Variants in BDH1 observed in about 807,000 individuals in gnomAD.
BDH1 encodes 3-hydroxybutyrate dehydrogenase 1.
BDH1 carries 30 observed loss-of-function variants against 33.1 expected under a neutral mutation model. The ratio of observed to expected loss-of-function variants is 0.91; its 90% confidence interval spans 0.68 to 1.23. The LOEUF is 1.23. Ranked by LOEUF, BDH1 falls within the 50% of genes most tolerant of loss-of-function variation. BDH1 has a pLI of 0.00. For synonymous variants in BDH1, 190 were observed against 183.6 expected, an observed-to-expected ratio of 1.03 and a Z score of -0.28; for missense variants, 443 against 464.4, an observed-to-expected ratio of 0.95 and a Z score of 0.42.
In BDH1 at chr3:197,555,930, T is replaced by TCCTGCGG. The variant is rs1295302807; in HGVS notation, c.-352_-346dup. ...TTTCTGGAAGCCCCTCCACCAGCAC[T>TCCTGCGG]CCTGCGGCCTGCGGCCTCCGCCACC... On this transcript the variant is annotated 5_prime_UTR_variant, in exon 1 of 8. Coordinates refer to ENST00000392379, the MANE Select transcript of BDH1 (RefSeq NM_203314.3). The TCCTGCGG allele has an allele frequency of 5.9e-5, 9 of 152,328 alleles. No homozygotes were observed. In the South Asian group the frequency reaches 1.7e-3, roughly 28 times the overall value. 9.4% of individuals were successfully genotyped at this position (152,328 alleles called of 1,614,324 possible).
chr3:197,534,987 G>A (rs1016241774), intron 3 of BDH1, among the ~76,000 whole-genome samples: 5 of 152,166 alleles, frequency 3.3e-5, no homozygotes, highest in African/African-American at 1.2e-4. Flanking sequence ...CCAGCAGACT[G>A]TGTTTGGTGA....
Position 197,532,435 on chromosome 3 carries a change from C to T in BDH1, c.244G>A (p.Val82Met). 6.2e-7 allele frequency: 1 copy of T among 1,614,176 alleles called. No homozygotes were observed. The highest frequency in any genetic ancestry group is 8.5e-7 in the Non-Finnish European group (1 of 1,179,982). The stretch of plus-strand genomic sequence containing the variant: ...ACCTTCATCAAGCAGCCAGCAAACA[C>T]AAGGAAGCCTTTTGAATGCAGATGC... ...AKHLHSKGFLVFAGCLMKDKG... is the reference protein window; with the variant it reads ...AKHLHSKGFLMFAGCLMKDKG... The change falls in exon 5 of 8, where the codon GTG becomes ATG. Residue 82 changes from valine (V) to methionine (M), a missense_variant. Physicochemically the swap from Val to Met is conservative, Grantham distance 21. Coordinates refer to ENST00000392379, the MANE Select transcript of BDH1 (RefSeq NM_203314.3).
At chr3:197,572,335 G>A (rs943302226) in intron 1 of BDH1, among the ~76,000 whole-genome samples, 3 of 152,148 alleles carry the variant, frequency 2.0e-5, no homozygotes, top group Non-Finnish European at 4.4e-5. Flanking sequence ...AGGCCTTCAG[G>A]ACTCAGATCT....
chr3:197,534,090 C>CT (rs1435133744), intron 3 of BDH1: 1 of 152,786 alleles, frequency 6.5e-6, no homozygotes, highest in Non-Finnish European at 1.5e-5. Flanking sequence ...GATGCCAGGT[C>CT]TTACCTCATT....
intron 4 of BDH1, among the ~76,000 whole-genome samples, chr3:197,533,235 C>G (rs1436606154): frequency 6.6e-6 from 1 of 152,118 alleles, no homozygotes; most frequent in South Asian, 2.1e-4. Context: ...TTCTCGCCCC[C>G]CACCTAGGCC....
chr3:197,538,326 C>G (rs543057129), intron 3 of BDH1: 1 of 456,096 alleles, frequency 2.2e-6, no homozygotes, highest in African/African-American at 2.0e-5. Flanking sequence ...TACCATTTGA[C>G]GCCATTCAAA....
Position 197,549,090 on chromosome 3 carries a change from T to C in BDH1, c.-43-2604A>G, listed in dbSNP as rs147485923. 4.6e-5 allele frequency among the ~76,000 whole-genome samples: 7 copies of C among 152,296 alleles called. No individual in the cohort carries two copies. The East Asian group carries it at 1.3e-3, about 29-fold the overall frequency. On this transcript the variant is annotated intron_variant, in intron 2 of 7. Coordinates refer to ENST00000392379, the MANE Select transcript of BDH1 (RefSeq NM_203314.3). ...ACACACCACTTTCTTGCCTTTTAGT[T>C]TGGGAACAGAAATGGCTGTGGGAGG...
At chr3:197,546,068 C>T (rs936811832) in intron 3 of BDH1, 21 of 226,616 alleles carry the variant, frequency 9.3e-5, no homozygotes, top group African/African-American at 3.6e-4. Context: ...ACCCAGGAGG[C>T]GGAGGTGGCA....
chr3:197,515,356 C>T (rs1247710627), intron 6 of BDH1: 1 of 985,592 alleles, frequency 1.0e-6, no homozygotes. Flanking sequence ...CTAGGTCTCA[C>T]CTGTGACCTC....
rs1317520268 is a variant in BDH1 at position 197,569,927 on chromosome 3, T to C, written c.-44+3254A>G. ...TTGGAACTGGGTAACAGGCAGAGGT[T>C]AGAACAGTTTGGAGGGCTCAGAAGA... On this transcript the variant is annotated intron_variant, in intron 1 of 6. Coordinates refer to the BDH1 transcript ENST00000358186. Among the ~76,000 whole-genome samples, 8 of 152,130 alleles carry C rather than the reference T, an allele frequency of 5.3e-5. No homozygotes were observed. In the East Asian group the frequency reaches 1.5e-3, roughly 29 times the overall value.
At chr3:197,562,120 T>C (rs560209534) in intron 1 of BDH1, among the ~76,000 whole-genome samples, 1 of 152,314 alleles carries the variant, frequency 6.6e-6, no homozygotes, top group East Asian at 1.9e-4. Flanking sequence ...GACCTTGCAC[T>C]GTGAGAGGAT....
chr3:197,529,267 G>A (rs1327329511), intron 5 of BDH1: 1 of 152,216 alleles, frequency 6.6e-6, no homozygotes, highest in African/African-American at 2.4e-5. Flanking sequence ...AAAGATATAT[G>A]TGCAAGATGG....
intron 6 of BDH1, among the ~76,000 whole-genome samples, chr3:197,519,169 G>A (rs1333778429): frequency 1.3e-5 from 2 of 151,908 alleles, no homozygotes; most frequent in Non-Finnish European, 2.9e-5. Context: ...CCTTTTCCAA[G>A]CTTCTCCCTT....
chr3:197,537,992 A>C (rs1715299133), intron 3 of BDH1, among the ~76,000 whole-genome samples: 1 of 152,188 alleles, frequency 6.6e-6, no homozygotes. Context: ...AGAAACAAAA[A>C]GAAAACCTAG....
In BDH1 at chr3:197,528,440, A is replaced by T. The variant is rs1471458247; in HGVS notation, c.267+3972T>A. Reference sequence around the variant, plus strand: ...TTGGCCAAAGGCAATGAGATATGAGAGATAAGAGGAACACTAATTCTGAAC... The same window carrying T: ...TTGGCCAAAGGCAATGAGATATGAGTGATAAGAGGAACACTAATTCTGAAC... On this transcript the variant is annotated intron_variant, in intron 5 of 7. Coordinates refer to ENST00000392379, the MANE Select transcript of BDH1 (RefSeq NM_203314.3). This position sits in a 1 kb window ranked among gnomAD's most constrained non-coding sequence, Gnocchi z 5.1. 3 of 152,016 alleles carry T rather than the reference A, an allele frequency of 2.0e-5. No homozygotes were observed. The highest frequency in any genetic ancestry group is 4.4e-5 in the Non-Finnish European group (3 of 68,014). The allele number at this position is 152,016 out of a possible 1,614,324, so 9.4% of individuals were successfully genotyped here. A position where few individuals can be genotyped will look rare whatever the true frequency, so the allele number is the denominator to read the frequency against.
intron 1 of BDH1, among the ~76,000 whole-genome samples, chr3:197,569,959 G>A: frequency 6.6e-6 from 1 of 152,052 alleles, no homozygotes; most frequent in East Asian, 1.9e-4. Context: ...AAGAAGACAG[G>A]AAAAATGTGA....
Position 197,525,549 on chromosome 3 carries a change from C to T in BDH1, c.268-2768G>A, listed in dbSNP as rs1446868767. Among the ~76,000 whole-genome samples, 1 of 152,200 alleles carries T rather than the reference C, an allele frequency of 6.6e-6. No individual in the cohort carries two copies. Among genetic ancestry groups the T allele is most frequent in the African/African-American group, 2.4e-5 (1 of 41,456 alleles). On this transcript the variant is annotated intron_variant, in intron 5 of 7. Transcript: ENST00000392379. This position sits in a 1 kb window ranked among gnomAD's most constrained non-coding sequence, Gnocchi z 4.9. ...TTTCAGAGGAAACTAGGGGATTAAT[C>T]TCACTGCCCACGGCTTCAGGCTCCC... is the stretch of plus-strand genomic sequence containing the variant.
chr3:197,527,292 G>C (rs561763687), intron 5 of BDH1, among the ~76,000 whole-genome samples: 9 of 152,306 alleles, frequency 5.9e-5, no homozygotes, highest in East Asian at 1.9e-4. Context: ...TACGAGCAAG[G>C]GTGGTTTATT....
rs372887964 is a variant in BDH1, at chr3:197,568,641, TTGAG to T, written c.-44+4536_-44+4539del. ...CACTTAACTCTTACGTATTCATTAA[TTGAG>T]TGTTTGTTTAAGCACAAGCATTTTG... On this transcript the variant is annotated intron_variant, in intron 1 of 6. Coordinates refer to the BDH1 transcript ENST00000358186. Among the ~76,000 whole-genome samples, 211 of 152,276 alleles carry T rather than the reference TTGAG, an allele frequency of 1.4e-3. 1 individual carries two copies. Among genetic ancestry groups the T allele is most frequent in the African/African-American group, 4.8e-3 (199 of 41,560 alleles).
Sources: allele counts gnomAD v4.1 joint callset (sites outside exome capture counted in the v4.1 genomes callset), GRCh38; gene constraint gnomAD v4.1.1; non-coding constraint Gnocchi (gnomAD v3.1); transcripts MANE v1.5; gene names NCBI Gene and HGNC (gene_info 2026-07-23, HGNC 2026-07-21).